The following IL1RAPL1 variants were observed in gnomAD, a reference collection of about 807,000 sequenced individuals.
IL1RAPL1 encodes interleukin 1 receptor accessory protein like 1, also known as interleukin-1 receptor accessory protein-like 1.
In IL1RAPL1, 3 loss-of-function variants were observed where a neutral mutation model predicts 48.4. The ratio of observed to expected loss-of-function variants is 0.06; its 90% confidence interval spans 0.03 to 0.16. The LOEUF (loss-of-function observed/expected upper bound fraction) is 0.16, where lower values mean the gene tolerates loss of function less well. Ranked by LOEUF, IL1RAPL1 falls within the 10% of genes least tolerant of loss-of-function variation. IL1RAPL1 has a pLI of 1.00. For missense variants in IL1RAPL1, 349 were observed against 530.6 expected (o/e 0.66, Z 3.36); for synonymous variants, 185 against 187.7 (o/e 0.99, Z 0.12).
intron 2 of IL1RAPL1, among the ~76,000 whole-genome samples, chrX:29,044,219 G>A (rs1327574565): frequency 2.7e-5 from 3 of 110,739 alleles, no homozygotes; most frequent in African/African-American, 9.9e-5. Context: ...ATCACTTGAG[G>A]TCAGGAGTTC....
At chrX:29,320,270 C>T (rs7881786) in intron 3 of IL1RAPL1, among the ~76,000 whole-genome samples, 3 of 111,477 alleles carry the variant, frequency 2.7e-5, no homozygotes, top group East Asian at 2.8e-4. Context: ...AAAGGATACA[C>T]GACATTATTC....
intron 1 of IL1RAPL1, among the ~76,000 whole-genome samples, chrX:28,766,557 T>C (rs1936241771): frequency 1.8e-5 from 2 of 111,193 alleles, no homozygotes; most frequent in South Asian, 3.8e-4. Flanking sequence ...ATTACACTCT[T>C]TTAGTTGTTT....
chrX:28,687,553 C>T (rs956077393), intron 1 of IL1RAPL1, among the ~76,000 whole-genome samples: 4 of 110,822 alleles, frequency 3.6e-5, no homozygotes, highest in Non-Finnish European at 5.7e-5. Context: ...GAGGCCGAGG[C>T]GGGTGGATCA....
intron 5 of IL1RAPL1, among the ~76,000 whole-genome samples, chrX:29,535,776 A>T: frequency 8.9e-6 from 1 of 112,367 alleles, no homozygotes; most frequent in East Asian, 2.8e-4. Context: ...GTAGAAAATT[A>T]TCTTAAACCA....
intron 2 of IL1RAPL1, among the ~76,000 whole-genome samples, chrX:29,183,738 G>T (rs1237800046): frequency 1.8e-5 from 2 of 112,006 alleles, no homozygotes; most frequent in African/African-American, 6.5e-5. Context: ...ATGTTGCCCA[G>T]GCCAGAGTGC....
At chrX:29,507,727 G>A (rs1935351643) in intron 5 of IL1RAPL1, among the ~76,000 whole-genome samples, 1 of 109,996 alleles carries the variant, frequency 9.1e-6, no homozygotes, top group Non-Finnish European at 1.9e-5. Context: ...ACATTCTGTT[G>A]TTTTCTTTAC....
chrX:28,589,098 T>A (rs1933881100), intron 1 of IL1RAPL1, among the ~76,000 whole-genome samples: 1 of 111,876 alleles, frequency 8.9e-6, no homozygotes, highest in South Asian at 3.8e-4. Flanking sequence ...TGCACTGTAC[T>A]GCAATGCTAA....
intron 2 of IL1RAPL1, among the ~76,000 whole-genome samples, chrX:28,879,322 A>G (rs1313896886): frequency 9.0e-6 from 1 of 111,570 alleles, no homozygotes; most frequent in Non-Finnish European, 1.9e-5. Flanking sequence ...AGTTATGCTT[A>G]GGATACTGGT....
chrX:29,088,061 A>G (rs1334737847), intron 2 of IL1RAPL1, among the ~76,000 whole-genome samples: 3 of 111,604 alleles, frequency 2.7e-5, no homozygotes, highest in Non-Finnish European at 3.8e-5. Flanking sequence ...TCTTCATAGC[A>G]CTTTCTCCCT....
intron 2 of IL1RAPL1, among the ~76,000 whole-genome samples, chrX:28,943,618 A>G (rs753242111): frequency 1.8e-5 from 2 of 109,399 alleles, no homozygotes; most frequent in East Asian, 5.7e-4. Context: ...TTATTATTTT[A>G]TCCTTGATTG....
intron 1 of IL1RAPL1, among the ~76,000 whole-genome samples, chrX:28,593,430 A>G (rs1202459843): frequency 8.9e-6 from 1 of 112,086 alleles, no homozygotes; most frequent in Admixed American, 9.5e-5. Flanking sequence ...CAATATTAAA[A>G]GCAATCTTTT....
At chrX:28,995,917 TA>T (rs369581115) in intron 2 of IL1RAPL1, among the ~76,000 whole-genome samples, 131 of 102,878 alleles carry the variant, frequency 1.3e-3, no homozygotes, top group African/African-American at 2.8e-3. Flanking sequence ...GGCTCATTCT[TA>T]AAAAAAAAAA....
At chrX:28,999,537 T>C (rs1485534224) in intron 2 of IL1RAPL1, among the ~76,000 whole-genome samples, 1 of 111,625 alleles carries the variant, frequency 9.0e-6, no homozygotes, top group Non-Finnish European at 1.9e-5. Context: ...TTTTCTTGCT[T>C]TTCAAAATCT....
At chrX:28,849,160 A>G (rs746509776) in intron 2 of IL1RAPL1, among the ~76,000 whole-genome samples, 1 of 109,912 alleles carries the variant, frequency 9.1e-6, no homozygotes, top group East Asian at 2.9e-4. Context: ...AAAGCCCCGT[A>G]TTCAAAGCAG....
chrX:29,093,773 C>G (rs1195846902), intron 2 of IL1RAPL1, among the ~76,000 whole-genome samples: 2 of 111,906 alleles, frequency 1.8e-5, no homozygotes, highest in Non-Finnish European at 3.8e-5. Context: ...TGATTAGTCT[C>G]TTAAGTTAAA....
intron 1 of IL1RAPL1, among the ~76,000 whole-genome samples, chrX:28,657,099 A>G (rs1051535017): frequency 9.0e-6 from 1 of 110,757 alleles, no homozygotes; most frequent in Non-Finnish European, 1.9e-5. Flanking sequence ...TACTATGTCC[A>G]TATTTCACTT....
At chrX:29,583,638 A>G (rs1451095927) in intron 5 of IL1RAPL1, among the ~76,000 whole-genome samples, 4 of 73,787 alleles carry the variant, frequency 5.4e-5, no homozygotes, top group South Asian at 9.1e-4. Context: ...AAATGGCCAT[A>G]CTGCCCAAGG....
intron 2 of IL1RAPL1, among the ~76,000 whole-genome samples, chrX:28,990,232 A>G (rs770328088): frequency 6.2e-5 from 7 of 112,083 alleles, no homozygotes; most frequent in African/African-American, 2.3e-4. Flanking sequence ...TTTGAGCATT[A>G]TATTCAAACT....
intron 5 of IL1RAPL1, among the ~76,000 whole-genome samples, chrX:29,572,877 T>C (rs369419809): frequency 8.9e-6 from 1 of 112,816 alleles, no homozygotes; most frequent in Non-Finnish European, 1.9e-5. Flanking sequence ...TGCATGCAAA[T>C]GTAAATACCT....
Sources: gnomAD v4.1 joint callset for allele counts (sites outside exome capture counted in the v4.1 genomes callset) on GRCh38, gnomAD v4.1.1 for gene constraint, MANE v1.5 for transcripts, NCBI Gene and HGNC (gene_info 2026-07-23, HGNC 2026-07-21) for gene names.